GAS7: variants seen among roughly 807,000 people sequenced by gnomAD.
GAS7 encodes growth arrest-specific protein 7.
A neutral mutation model predicts 71.1 loss-of-function variants in GAS7; 28 were observed. That is an observed-to-expected ratio of 0.39 (90% CI 0.29 to 0.54). The LOEUF (loss-of-function observed/expected upper bound fraction) is 0.54. GAS7 is among the 20% of genes least tolerant of loss of function. The pLI, the probability that GAS7 is intolerant of heterozygous loss-of-function variation, is 0.62. For missense variants in GAS7, 436 were observed against 627.8 expected (o/e 0.69, Z 3.27); for synonymous variants, 258 against 245.8 (o/e 1.05, Z -0.46).
In GAS7 at chr17:9,974,560, T is replaced by TA. The variant is rs2070109848; in HGVS notation, c.386-4799dup. ...CACACTCATCTGTTTTTAAGATTTT[T>TA]AAAAAGGGAACTAAAAGCTCTATCT... On this transcript the variant is annotated intron_variant, in intron 3 of 13. Coordinates refer to ENST00000432992, the MANE Select transcript of GAS7 (RefSeq NM_201433.2). This position sits in a 1 kb window ranked among gnomAD's most constrained non-coding sequence, Gnocchi z 4.0. Among the ~76,000 whole-genome samples the TA allele has an allele frequency of 1.3e-5, 2 of 152,046 alleles. No individual in the cohort carries two copies.
intron 9 of GAS7, among the ~76,000 whole-genome samples, chr17:9,932,194 C>CTTTTT (rs34286699): frequency 2.6e-5 from 3 of 116,154 alleles, no homozygotes; most frequent in East Asian, 2.4e-4. Flanking sequence ...GTCCCCCCCG[C>CTTTTT]TTTTTTTTTT....
chr17:10,146,040 G>A (rs1455736017), intron 1 of GAS7, among the ~76,000 whole-genome samples: 1 of 152,090 alleles, frequency 6.6e-6, no homozygotes. Context: ...AGAGAATGGT[G>A]GCTACAGAGG....
At chr17:9,952,113 G>A (rs1281847501) in intron 5 of GAS7, among the ~76,000 whole-genome samples, 1 of 152,200 alleles carries the variant, frequency 6.6e-6, no homozygotes, top group Non-Finnish European at 1.5e-5. Flanking sequence ...AGTCGAGGAT[G>A]AACATGCCTC....
At chr17:10,012,567 G>A (rs115692294) in intron 2 of GAS7, among the ~76,000 whole-genome samples, 1,573 of 152,290 alleles carry the variant, frequency 0.01, 30 homozygotes, top group African/African-American at 0.035. Flanking sequence ...GATTACAGGT[G>A]AGAGCCACCA....
chr17:10,068,849 G>A (rs1017051990), intron 1 of GAS7, among the ~76,000 whole-genome samples: 1 of 152,116 alleles, frequency 6.6e-6, no homozygotes, highest in Non-Finnish European at 1.5e-5. Context: ...AAGGTCCTGA[G>A]AAAACCAGGC....
intron 9 of GAS7, among the ~76,000 whole-genome samples, chr17:9,932,120 G>A (rs1371418290): frequency 6.6e-6 from 1 of 151,716 alleles, no homozygotes; most frequent in Non-Finnish European, 1.5e-5. Flanking sequence ...TCTGACTAGT[G>A]ATGGTGGGAG....
At chr17:9,929,218 T>C (rs1343266053) in intron 9 of GAS7, among the ~76,000 whole-genome samples, 2 of 152,162 alleles carry the variant, frequency 1.3e-5, no homozygotes, top group African/African-American at 4.8e-5. Flanking sequence ...TCTAAGGACA[T>C]GGAAAGCAAG....
intron 2 of GAS7, among the ~76,000 whole-genome samples, chr17:10,013,074 G>A (rs1567892450): frequency 6.8e-6 from 1 of 148,062 alleles, no homozygotes; most frequent in Non-Finnish European, 1.5e-5. Flanking sequence ...CTGCACTCCA[G>A]CCTGGGTGAC....
chr17:10,185,534 C>A (rs550309810), intron 1 of GAS7, among the ~76,000 whole-genome samples: 60 of 152,314 alleles, frequency 3.9e-4, no homozygotes, highest in Middle Eastern at 3.4e-3. Context: ...CATCTGTATC[C>A]TTTATAGTAA....
intron 2 of GAS7, among the ~76,000 whole-genome samples, chr17:9,988,905 G>T (rs1445204966): frequency 6.8e-6 from 1 of 146,408 alleles, no homozygotes; most frequent in Non-Finnish European, 1.5e-5. Flanking sequence ...CCGGAGTACA[G>T]TGGCGCGATA....
intron 1 of GAS7, among the ~76,000 whole-genome samples, chr17:10,184,521 C>T (rs2074438135): frequency 6.6e-6 from 1 of 152,218 alleles, no homozygotes; most frequent in Non-Finnish European, 1.5e-5. Flanking sequence ...TGCAGACAAA[C>T]TGAAAACCCC....
intron 5 of GAS7, among the ~76,000 whole-genome samples, chr17:9,953,900 A>G (rs1477296050): frequency 6.6e-6 from 1 of 152,200 alleles, no homozygotes; most frequent in Non-Finnish European, 1.5e-5. Flanking sequence ...TTCTTGGTGC[A>G]GTGGCCGGAG....
rs201254619 is a variant in GAS7, at chr17:10,007,625, CAAAAAAAAAAAA to C, written c.304+12140_304+12151del. 1.5e-3 allele frequency among the ~76,000 whole-genome samples: 68 copies of C among 46,604 alleles called. 1 individual carries two copies. Among genetic ancestry groups the C allele is most frequent in the African/African-American group, 2.7e-3 (39 of 14,528 alleles). 30.6% of individuals were successfully genotyped at this position (46,604 alleles called of 152,430 possible). On this transcript the variant is annotated intron_variant, in intron 2 of 13. Coordinates refer to ENST00000432992, the MANE Select transcript of GAS7 (RefSeq NM_201433.2). ...TGGGAGACACAGCAAGATTCTGTCT[CAAAAAAAAAAAA>C]AAAAAAAAAAAAAGAACAGTTTCTA...
At chr17:9,918,930 C>T (rs1232566972) in intron 12 of GAS7, among the ~76,000 whole-genome samples, 1 of 152,120 alleles carries the variant, frequency 6.6e-6, no homozygotes, top group Non-Finnish European at 1.5e-5. Context: ...CTCTAATCTG[C>T]TCTGGTGGGC....
intron 1 of GAS7, among the ~76,000 whole-genome samples, chr17:10,124,820 A>G (rs2073932042): frequency 6.6e-6 from 1 of 152,174 alleles, no homozygotes; most frequent in Admixed American, 6.5e-5. Context: ...CAGGAGGCTG[A>G]GGCAAGAGAA....
chr17:10,097,589 C>A (rs540691572), intron 1 of GAS7, among the ~76,000 whole-genome samples: 1 of 152,316 alleles, frequency 6.6e-6, no homozygotes, highest in Non-Finnish European at 1.5e-5. Context: ...TTCCAGGCTG[C>A]TGAGTTTTTC....
intron 1 of GAS7, among the ~76,000 whole-genome samples, chr17:10,021,386 G>A (rs184414420): frequency 6.6e-6 from 1 of 152,344 alleles, no homozygotes; most frequent in East Asian, 1.9e-4. Context: ...ACCACGTGCC[G>A]TGGCTTCCCG....
At chr17:9,989,992 G>A (rs774672472) in intron 2 of GAS7, among the ~76,000 whole-genome samples, 18 of 152,156 alleles carry the variant, frequency 1.2e-4, no homozygotes, top group South Asian at 1.0e-3. Flanking sequence ...CACCCTGGCC[G>A]GGCATGGTGG....
chr17:10,030,729 A>T (rs1567556804), intron 1 of GAS7, among the ~76,000 whole-genome samples: 1 of 152,206 alleles, frequency 6.6e-6, no homozygotes, highest in Non-Finnish European at 1.5e-5. Flanking sequence ...GCCTCTTCCA[A>T]ACCTGGCACT....
Sources: gnomAD v4.1 joint callset for allele counts (sites outside exome capture counted in the v4.1 genomes callset) on GRCh38, gnomAD v4.1.1 for gene constraint, Gnocchi (gnomAD v3.1) non-coding constraint, MANE v1.5 for transcripts, NCBI Gene and HGNC (gene_info 2026-07-23, HGNC 2026-07-21) for gene names.